The following HERC2 variants were observed in gnomAD, a reference collection of about 807,000 sequenced individuals.
The protein encoded by HERC2 is E3 ubiquitin-protein ligase HERC2.
A neutral mutation model predicts 537.7 loss-of-function variants in HERC2; 102 were observed. That is an observed-to-expected ratio of 0.19 (90% CI 0.16 to 0.22). The LOEUF (loss-of-function observed/expected upper bound fraction) is 0.22, where lower values mean the gene tolerates loss of function less well. HERC2 is among the 10% of genes least tolerant of loss of function. HERC2 has a pLI of 1.00. For missense variants in HERC2, 4,236 were observed against 6,198.2 expected, an observed-to-expected ratio of 0.68 and a Z score of 10.63; for synonymous variants, 2,224 against 2,466.2, an observed-to-expected ratio of 0.90 and a Z score of 2.91.
At chr15:28,153,482 C>T (rs1289406540) in intron 69 of HERC2, among the ~76,000 whole-genome samples, 1 of 151,784 alleles carries the variant, frequency 6.6e-6, no homozygotes, top group Non-Finnish European at 1.5e-5. Flanking sequence ...GGTGAAACCC[C>T]GTCTCTACTA....
chr15:28,126,778 T>C (rs1354658441), intron 83 of HERC2, among the ~76,000 whole-genome samples: 2 of 152,190 alleles, frequency 1.3e-5, no homozygotes, highest in Non-Finnish European at 1.5e-5. Flanking sequence ...ACTTGGGTGA[T>C]GGGAGCACCC....
rs1343843931 is a variant in HERC2 at position 28,177,484 on chromosome 15, A to G, written c.9189T>C (p.Thr3063=). The change falls in exon 60 of 93, where the codon ACT becomes ACC. Residue 3063 remains threonine (T), a synonymous_variant. Coordinates refer to ENST00000261609, the MANE Select transcript of HERC2 (RefSeq NM_004667.6). The surrounding 1 kb of genome is among the most constrained non-coding windows in gnomAD (Gnocchi z 5.0). ...CCCACGAAAACACTTTTCCATCGAC[A>G]GTTAAAGCCGTCGCGTGCCGGCCAC... The part of the protein sequence containing the change: ...HSGGRHATAL[T]VDGKVFSWGE... 1 of 1,614,138 alleles carries G rather than the reference A, an allele frequency of 6.2e-7. No individual in the cohort carries two copies. Among genetic ancestry groups the G allele is most frequent in the Non-Finnish European group, 8.5e-7 (1 of 1,180,056 alleles).
intron 89 of HERC2, 75 bp from the exon 90 acceptor site, chr15:28,114,877 C>A: frequency 7.8e-7 from 1 of 1,289,824 alleles, no homozygotes; most frequent in Non-Finnish European, 1.1e-6. Context: ...CCACCCAGCA[C>A]ACTCTGTCAA....
intron 4 of HERC2, among the ~76,000 whole-genome samples, chr15:28,290,923 G>A (rs943607732): frequency 2.6e-5 from 4 of 152,110 alleles, no homozygotes; most frequent in Admixed American, 6.6e-5. Flanking sequence ...AGACAGAAGA[G>A]CAAATGGAAC....
At chr15:28,245,564 T>TACAC (rs1232976281) in intron 23 of HERC2, among the ~76,000 whole-genome samples, 1,531 of 108,926 alleles carry the variant, frequency 0.014, 49 homozygotes, top group Admixed American at 0.067. Flanking sequence ...AAAAAAAATA[T>TACAC]ATACACACAC....
At chr15:28,273,083 C>A in intron 7 of HERC2, 79 bp from the exon 8 acceptor site, 1 of 959,550 alleles carries the variant, frequency 1.0e-6, no homozygotes, top group East Asian at 2.4e-5. Flanking sequence ...AACACATTTA[C>A]TACACGCTCC....
Position 28,168,573 on chromosome 15 carries a change from G to C in HERC2, c.10247C>G (p.Ala3416Gly). The C allele has an allele frequency of 6.2e-7, 1 of 1,613,902 alleles. No individual in the cohort carries two copies. The highest frequency in any genetic ancestry group is 8.5e-7 in the Non-Finnish European group (1 of 1,179,902). ...GGCGATCATGGCGGCCGGCATCAGG[G>C]CCCCGACAACAGCATCTCTGTCAGG... ...IMYARDAVVGALMPAAMIAPV... is the reference protein window; with the variant it reads ...IMYARDAVVGGLMPAAMIAPV... The change falls in exon 67 of 93, where the codon GCC becomes GGC. Residue 3416 changes from alanine to glycine, a missense_variant. Physicochemically the swap from Ala to Gly is moderately conservative, Grantham distance 60. Coordinates refer to ENST00000261609, the MANE Select transcript of HERC2 (RefSeq NM_004667.6).
chr15:28,271,869 G>A (rs113026948), intron 9 of HERC2, among the ~76,000 whole-genome samples: 3,161 of 152,278 alleles, frequency 0.021, 98 homozygotes, highest in African/African-American at 0.072. Context: ...GGCGGGAGCT[G>A]GTACCAAACA....
chr15:28,261,662 T>C (rs1383078991), intron 15 of HERC2, among the ~76,000 whole-genome samples: 6 of 152,168 alleles, frequency 3.9e-5, no homozygotes, highest in Non-Finnish European at 7.3e-5. Flanking sequence ...AGCTTTCCTA[T>C]ACTAATGGAG....
chr15:28,133,896 AT>A (rs1390898052), intron 79 of HERC2, among the ~76,000 whole-genome samples: 1 of 152,204 alleles, frequency 6.6e-6, no homozygotes, highest in South Asian at 2.1e-4. Context: ...GCAGCTATAA[AT>A]GAGGCTTAAG....
rs142093288 is a variant in HERC2, at chr15:28,198,567, A to G, written c.7885+34T>C. ...ATTTAAGGGAATTTTGTCTCTAAGA[A>G]AAAACAAAAGCACTGAACAAAGAAT... is the stretch of plus-strand genomic sequence containing the variant. On this transcript the variant is annotated intron_variant, in intron 49 of 92. Coordinates refer to ENST00000261609, the MANE Select transcript of HERC2 (RefSeq NM_004667.6). The G allele has an allele frequency of 1.3e-3, 2,081 of 1,609,760 alleles. 3 individuals are homozygous for G. Among genetic ancestry groups the G allele is most frequent in the Non-Finnish European group, 1.6e-3 (1,875 of 1,177,708 alleles).
chr15:28,125,345 A>ATGTC, intron 83 of HERC2, 152 bp from the exon 84 acceptor site: 1 of 671,792 alleles, frequency 1.5e-6, no homozygotes. Context: ...CTAGACATGA[A>ATGTC]TGTCTGCTTT....
Position 28,238,679 on chromosome 15 carries a change from A to C in HERC2, c.3671T>G (p.Phe1224Cys). Residue 1224 changes from phenylalanine to cysteine, a missense_variant, in exon 24 of 93, where the codon TTC becomes TGC. Physicochemically the swap from Phe to Cys is radical, Grantham distance 205 (BLOSUM62 -2). Around this residue, in one of 27 missense-constraint regions of HERC2, gnomAD observed 754 missense variants for 1,085.0 expected, o/e 0.69. Transcript: ENST00000261609. ...CACCTTCCCGTCAATCACAGTCCAG[A>C]AGCCTCCATCTTTATTATGGTTCTC... The part of the protein sequence containing the change: ...DLENHNKDGG[F>C]WTVIDGKVYD... 6.2e-7 allele frequency: 1 copy of C among 1,611,450 alleles called. No homozygotes were observed. The highest frequency in any genetic ancestry group is 1.3e-5 in the African/African-American group (1 of 74,988).
chr15:28,291,700 A>G (rs1185570690), intron 4 of HERC2, among the ~76,000 whole-genome samples: 1 of 152,060 alleles, frequency 6.6e-6, no homozygotes, highest in Non-Finnish European at 1.5e-5. Context: ...ATGAAAGTCC[A>G]TCCATGATAA....
At chr15:28,187,114 C>T (rs963288115) in intron 55 of HERC2, among the ~76,000 whole-genome samples, 5 of 152,166 alleles carry the variant, frequency 3.3e-5, no homozygotes, top group African/African-American at 1.2e-4. Context: ...CAGGTAGTAA[C>T]AGACCTTTCA....
At chr15:28,223,857 T>C (rs1567036868) in intron 35 of HERC2, among the ~76,000 whole-genome samples, 1 of 152,038 alleles carries the variant, frequency 6.6e-6, no homozygotes, top group African/African-American at 2.4e-5. Context: ...CCAGATGAAA[T>C]TTAAACACAT....
chr15:28,135,961 G>A (rs1890593006), intron 78 of HERC2, among the ~76,000 whole-genome samples: 1 of 151,968 alleles, frequency 6.6e-6, no homozygotes, highest in African/African-American at 2.4e-5. Context: ...TTCCATTTTT[G>A]TGTAGAATAC....
chr15:28,228,473 A>G, intron 34 of HERC2, 64 bp from the exon 35 acceptor site: 1 of 1,456,296 alleles, frequency 6.9e-7, no homozygotes, highest in Non-Finnish European at 9.6e-7. Context: ...GTAACGCAGA[A>G]AGCACGGGCG....
At chr15:28,151,447 T>G (rs543368127) in intron 70 of HERC2, among the ~76,000 whole-genome samples, 6 of 152,240 alleles carry the variant, frequency 3.9e-5, no homozygotes, top group African/African-American at 1.4e-4. Flanking sequence ...CCAGCCTGGA[T>G]GACAGAGCAA....
Sources: gnomAD v4.1 joint callset for allele counts (sites outside exome capture counted in the v4.1 genomes callset) on GRCh38, gnomAD v4.1.1 for gene constraint, gnomAD v4.1.1 regional missense constraint, Gnocchi (gnomAD v3.1) non-coding constraint, MANE v1.5 for transcripts, NCBI Gene and HGNC (gene_info 2026-07-23, HGNC 2026-07-21) for gene names.